RIT2: variants seen among roughly 807,000 people sequenced by gnomAD.
The protein encoded by RIT2 is Ras like without CAAX 2, also known as GTP-binding protein Rit2.
RIT2 carries 24 observed loss-of-function variants against 23.7 expected under a neutral mutation model. The ratio of observed to expected loss-of-function variants is 1.01; its 90% CI spans 0.73 to 1.43. The LOEUF (loss-of-function observed/expected upper bound fraction) is 1.43. RIT2 is among the 40% of genes most tolerant of loss of function. The pLI, the probability that RIT2 is intolerant of heterozygous loss-of-function variation, is 0.00. For missense variants in RIT2, 236 were observed against 266.9 expected (o/e 0.88, Z 0.81); for synonymous variants, 107 against 91.1 (o/e 1.17, Z -0.99).
intron 4 of RIT2, among the ~76,000 whole-genome samples, chr18:42,816,876 A>C (rs1176762097): frequency 6.6e-6 from 1 of 152,178 alleles, no homozygotes. Flanking sequence ...AGATAGTTGA[A>C]AGTATCAGCT....
At chr18:43,039,332 A>G (rs1010468572) in intron 1 of RIT2, among the ~76,000 whole-genome samples, 2 of 147,666 alleles carry the variant, frequency 1.4e-5, no homozygotes, top group African/African-American at 5.0e-5. Context: ...ATTTCTGTTG[A>G]CATTTTTTTT....
At chr18:43,078,121 G>A (rs1721446507) in intron 1 of RIT2, among the ~76,000 whole-genome samples, 1 of 152,150 alleles carries the variant, frequency 6.6e-6, no homozygotes, top group Non-Finnish European at 1.5e-5. Flanking sequence ...ACCATGGACA[G>A]CTAAGCTTTC....
intron 2 of RIT2, among the ~76,000 whole-genome samples, chr18:43,015,387 A>G (rs1213881389): frequency 6.6e-6 from 1 of 151,696 alleles, no homozygotes; most frequent in Non-Finnish European, 1.5e-5. Flanking sequence ...TAGGCATGAG[A>G]TCATAAGTTT....
At chr18:42,847,427 C>G (rs991850253) in intron 4 of RIT2, among the ~76,000 whole-genome samples, 26 of 151,972 alleles carry the variant, frequency 1.7e-4, no homozygotes, top group Admixed American at 1.6e-3. Context: ...TGGATCAACA[C>G]TCAGACTCCA....
At chr18:42,830,435 T>C (rs1249927252) in intron 4 of RIT2, among the ~76,000 whole-genome samples, 1 of 152,152 alleles carries the variant, frequency 6.6e-6, no homozygotes, top group African/African-American at 2.4e-5. Flanking sequence ...CAGACAGTAG[T>C]GAGAACTCCT....
At chr18:42,840,254 C>T (rs1034547574) in intron 4 of RIT2, among the ~76,000 whole-genome samples, 1 of 152,162 alleles carries the variant, frequency 6.6e-6, no homozygotes, top group Non-Finnish European at 1.5e-5. Context: ...TTTGCTTATT[C>T]TCATTTATTT....
intron 4 of RIT2, 114 bp downstream of exon 4, chr18:42,923,458 T>A: frequency 1.2e-6 from 1 of 863,180 alleles, no homozygotes; most frequent in Non-Finnish European, 1.9e-6. Flanking sequence ...AGAAAAATCA[T>A]GTGCATAATT....
chr18:42,759,712 TACACACACACAC>T (rs59733922), intron 4 of RIT2, among the ~76,000 whole-genome samples: 15,999 of 131,568 alleles, frequency 0.12, 1,171 homozygotes, highest in South Asian at 0.21. Flanking sequence ...GTGTTAAATC[TACACACACACAC>T]ACACACACAC....
intron 4 of RIT2, among the ~76,000 whole-genome samples, chr18:42,798,901 T>C (rs555479426): frequency 4.6e-5 from 7 of 152,342 alleles, no homozygotes; most frequent in African/African-American, 1.7e-4. Context: ...CCCCTCAGGA[T>C]CTCAGCATGC....
In RIT2 at chr18:42,769,267, C is replaced by A. The variant is rs1913493782; in HGVS notation, c.427-25547G>T. On this transcript the variant is annotated intron_variant, in intron 4 of 4. Coordinates refer to ENST00000326695, the MANE Select transcript of RIT2 (RefSeq NM_002930.4). ...TCCCAGTTATAGGAGCTAATACATT[C>A]ATTTCTGTGACTTTATTTTTTTAAA... Among the ~76,000 whole-genome samples the A allele has an allele frequency of 2.0e-5, 3 of 152,160 alleles. No individual in the cohort carries two copies. In the South Asian group the frequency reaches 6.2e-4, roughly 32 times the overall value.
intron 1 of RIT2, among the ~76,000 whole-genome samples, chr18:43,070,110 C>T (rs1242619043): frequency 6.6e-5 from 10 of 152,108 alleles, no homozygotes; most frequent in Non-Finnish European, 1.5e-4. Flanking sequence ...GGAAATGTTG[C>T]GTATTGCTAG....
intron 4 of RIT2, among the ~76,000 whole-genome samples, chr18:42,793,056 G>A (rs569544585): frequency 7.3e-6 from 1 of 136,286 alleles, no homozygotes; most frequent in East Asian, 2.0e-4. Flanking sequence ...TTAACCTAGA[G>A]CCCTCAAAAA....
intron 2 of RIT2, among the ~76,000 whole-genome samples, chr18:43,000,282 G>A (rs1911073361): frequency 1.3e-5 from 2 of 151,998 alleles, no homozygotes; most frequent in Non-Finnish European, 2.9e-5. Flanking sequence ...TTTCACAGAA[G>A]TGCAGAAAAA....
intron 2 of RIT2, among the ~76,000 whole-genome samples, chr18:43,000,027 A>T (rs534076678): frequency 4.8e-4 from 73 of 152,234 alleles, no homozygotes; most frequent in Non-Finnish European, 9.4e-4. Flanking sequence ...GAAAATGTAT[A>T]AATGACAGTT....
chr18:42,923,363 G>T, intron 4 of RIT2: 1 of 565,120 alleles, frequency 1.8e-6, no homozygotes, highest in Non-Finnish European at 3.1e-6. Context: ...TAGGGCACTA[G>T]TAAGGGCACT....
chr18:43,019,893 T>C (rs1016096081), intron 2 of RIT2, among the ~76,000 whole-genome samples: 2 of 151,454 alleles, frequency 1.3e-5, no homozygotes, highest in Admixed American at 6.6e-5. Flanking sequence ...ACACCAATAA[T>C]GAACTAGTGG....
intron 1 of RIT2, among the ~76,000 whole-genome samples, chr18:43,059,544 C>T (rs1214196132): frequency 6.6e-6 from 1 of 152,130 alleles, no homozygotes; most frequent in African/African-American, 2.4e-5. Flanking sequence ...GAAGAGTTCA[C>T]TTATCTCTCC....
At chr18:42,789,452 C>T (rs1383849012) in intron 4 of RIT2, among the ~76,000 whole-genome samples, 1 of 152,158 alleles carries the variant, frequency 6.6e-6, no homozygotes, top group Non-Finnish European at 1.5e-5. Context: ...ATTAATTCTT[C>T]TGGTCCATGA....
intron 3 of RIT2, among the ~76,000 whole-genome samples, chr18:42,932,797 C>T (rs1909358761): frequency 6.6e-6 from 1 of 152,070 alleles, no homozygotes; most frequent in African/African-American, 2.4e-5. Context: ...AGCTTTCCTT[C>T]CTTTGCCGTG....
Sources: allele counts gnomAD v4.1 joint callset (sites outside exome capture counted in the v4.1 genomes callset), GRCh38; gene constraint gnomAD v4.1.1; transcripts MANE v1.5; gene names NCBI Gene and HGNC (gene_info 2026-07-23, HGNC 2026-07-21).